The following NT5DC1 variants were observed in gnomAD, a reference collection of about 807,000 sequenced individuals.
The protein encoded by NT5DC1 is 5'-nucleotidase domain containing 1, also known as 5'-nucleotidase domain-containing protein 1.
NT5DC1 carries 42 observed loss-of-function variants against 59.4 expected under a neutral mutation model. That is an observed-to-expected ratio of 0.71 (90% confidence interval 0.55 to 0.92). The LOEUF (loss-of-function observed/expected upper bound fraction) is 0.92, where lower values mean the gene tolerates loss of function less well. Among genes scored for constraint, NT5DC1 ranks in the 40% least tolerant of loss-of-function variants. The pLI is 0.00. For missense variants in NT5DC1, 501 were observed against 537.1 expected (o/e 0.93, Z 0.66); for synonymous variants, 172 against 188.1 (o/e 0.91, Z 0.70).
intron 8 of NT5DC1, among the ~76,000 whole-genome samples, chr6:116,231,800 ATT>A (rs1430556655): frequency 6.6e-6 from 1 of 152,252 alleles, no homozygotes; most frequent in Non-Finnish European, 1.5e-5. Flanking sequence ...AAATGCACAT[ATT>A]TTAAAAGGAG....
chr6:116,135,863 A>ATGTATG (rs1562132679), intron 6 of NT5DC1, among the ~76,000 whole-genome samples: 2 of 124,912 alleles, frequency 1.6e-5, no homozygotes, highest in African/African-American at 6.3e-5. Flanking sequence ...ATATATATAT[A>ATGTATG]TATATATATA....
intron 9 of NT5DC1, chr6:116,237,377 A>G: frequency 1.9e-6 from 1 of 533,060 alleles, no homozygotes; most frequent in Non-Finnish European, 3.6e-6. Context: ...TAGCTTAAAG[A>G]TACACTTGTT....
chr6:116,194,045 T>TCAA (rs888174484), intron 6 of NT5DC1, among the ~76,000 whole-genome samples: 1 of 151,816 alleles, frequency 6.6e-6, no homozygotes, highest in South Asian at 2.1e-4. Context: ...AAACCCTGTC[T>TCAA]CAACAACAAC....
chr6:116,153,365 A>C (rs991729091), intron 6 of NT5DC1, among the ~76,000 whole-genome samples: 1 of 152,130 alleles, frequency 6.6e-6, no homozygotes, highest in Non-Finnish European at 1.5e-5. Context: ...CTTGAGGGTG[A>C]ATTTAGCTCG....
At chr6:116,240,789 G>A (rs1271986988) in intron 11 of NT5DC1, among the ~76,000 whole-genome samples, 1 of 152,148 alleles carries the variant, frequency 6.6e-6, no homozygotes, top group Non-Finnish European at 1.5e-5. Context: ...TTAAATTGCT[G>A]AAAGAAAATG....
At position 116,238,283 on chromosome 6, in the gene NT5DC1, G is replaced by T; in HGVS notation, c.1018G>T (p.Asp340Tyr). 6.2e-7 allele frequency: 1 copy of T among 1,613,396 alleles called. No homozygotes were observed. Among genetic ancestry groups the T allele is most frequent in the Non-Finnish European group, 8.5e-7 (1 of 1,179,602 alleles). The change falls in exon 10 of 12, where the codon GAT becomes TAT. Residue 340 changes from aspartate to tyrosine, a missense_variant. Transcript: ENST00000319550. ...CCTCATCCTGGAAGAACTCAGAGGG[G>T]ATGAAGGCACGAGGAGTCAGAGGCC... Reference protein sequence around the residue: ...TVLILEELRGDEGTRSQRPEE... With the variant: ...TVLILEELRGYEGTRSQRPEE...
At chr6:116,197,996 G>A (rs1781271947) in intron 6 of NT5DC1, among the ~76,000 whole-genome samples, 1 of 151,982 alleles carries the variant, frequency 6.6e-6, no homozygotes, top group Non-Finnish European at 1.5e-5. Context: ...ATGGCCCCAG[G>A]GCACCTAGCT....
intron 6 of NT5DC1, among the ~76,000 whole-genome samples, chr6:116,173,703 C>T (rs1562150401): frequency 6.6e-6 from 1 of 151,966 alleles, no homozygotes; most frequent in South Asian, 2.1e-4. Context: ...GTCTTATACA[C>T]TTTGTTTTGG....
chr6:116,131,662 C>G (rs765783156), intron 6 of NT5DC1, among the ~76,000 whole-genome samples: 11 of 152,036 alleles, frequency 7.2e-5, no homozygotes, highest in Non-Finnish European at 1.0e-4. Context: ...CTGTCTTTTG[C>G]CAATACAAAT....
At chr6:116,239,792 A>G (rs938050798) in intron 11 of NT5DC1, among the ~76,000 whole-genome samples, 9 of 152,226 alleles carry the variant, frequency 5.9e-5, no homozygotes, top group African/African-American at 2.2e-4. Flanking sequence ...AACAATTCAT[A>G]TAAAATTCAG....
chr6:116,223,160 C>A, intron 8 of NT5DC1, 29 bp downstream of exon 8: 1 of 1,235,382 alleles, frequency 8.1e-7, no homozygotes, highest in Non-Finnish European at 1.2e-6. Flanking sequence ...CTTTCTTTTC[C>A]TGTATACAGT....
rs1771880306 is a variant in NT5DC1, at chr6:116,247,913, G to A, written c.*3889G>A. On this transcript the variant is annotated 3_prime_UTR_variant, in exon 12 of 12. Transcript: ENST00000319550. ...GTCTTTTTGGTACATTAAATATTCA[G>A]TGCCTTTGATGAAGGGAACAAACTG... 2 of 152,144 alleles carry A rather than the reference G, an allele frequency of 1.3e-5. No homozygotes were observed. Among genetic ancestry groups the A allele is most frequent in the South Asian group, 4.1e-4 (2 of 4,834 alleles). 9.4% of individuals were successfully genotyped at this position (152,144 alleles called of 1,614,324 possible).
intron 6 of NT5DC1, among the ~76,000 whole-genome samples, chr6:116,201,898 A>G (rs1055133125): frequency 6.6e-6 from 1 of 152,036 alleles, no homozygotes; most frequent in Non-Finnish European, 1.5e-5. Flanking sequence ...TTTGGATCCA[A>G]ATGCCACACT....
At chr6:116,192,314 T>C (rs1582865167) in intron 6 of NT5DC1, among the ~76,000 whole-genome samples, 1 of 151,032 alleles carries the variant, frequency 6.6e-6, no homozygotes, top group Non-Finnish European at 1.5e-5. Flanking sequence ...TCAATAAATA[T>C]CAGCAGATAA....
rs779339623 is a variant in NT5DC1 at position 116,121,816 on chromosome 6, C to T, written c.529+3871C>T. On this transcript the variant is annotated intron_variant, in intron 6 of 11. Transcript: ENST00000319550. Reference sequence around the variant, plus strand: ...CTGGTTTCCCTACAGCTGATGGTCCCGGTGGTCCTGGCAACCCTGGCTCTC... The same window carrying T: ...CTGGTTTCCCTACAGCTGATGGTCCTGGTGGTCCTGGCAACCCTGGCTCTC... 9.9e-5 allele frequency: 160 copies of T among 1,613,824 alleles called. 3 individuals are homozygous for T. The South Asian group carries it at 1.5e-3, about 15-fold the overall frequency.
At position 116,135,834 on chromosome 6, in the gene NT5DC1, GATATATATATATATATATATATATATAT is replaced by G. The variant is rs199827970; in HGVS notation, c.529+17901_529+17928del. Reference sequence around the variant, plus strand: ...ATTTATGGTATACAATATATTTTCAGATATATATATATATATATATATATATATATATATATATACACACATACACACA... The same window carrying G: ...ATTTATGGTATACAATATATTTTCAGATATATATATACACACATACACACA... On this transcript the variant is annotated intron_variant, in intron 6 of 11. Coordinates refer to ENST00000319550, the MANE Select transcript of NT5DC1 (RefSeq NM_152729.3). Among the ~76,000 whole-genome samples, 2,435 of 102,364 alleles carry G rather than the reference GATATATATATATATATATATATATATAT, an allele frequency of 0.024. 207 individuals carry two copies. In the East Asian group the frequency reaches 0.24, roughly 10 times the overall value. The allele number at this position is 102,364 out of a possible 152,430, so 67.2% of individuals were successfully genotyped here.
chr6:116,130,850 A>G (rs1779440823), intron 6 of NT5DC1, among the ~76,000 whole-genome samples: 1 of 152,130 alleles, frequency 6.6e-6, no homozygotes, highest in South Asian at 2.1e-4. Context: ...TCTCAAAATA[A>G]AAATACCAAT....
rs2114571785 is a variant in NT5DC1, at chr6:116,247,165, T to G, written c.*3141T>G. ...ATTGAATCTAGACTAGGGCAAATTC[T>G]CAGCCCAAAACCACACTTCAATTTA... On this transcript the variant is annotated 3_prime_UTR_variant, in exon 12 of 12. Coordinates refer to ENST00000319550, the MANE Select transcript of NT5DC1 (RefSeq NM_152729.3). The G allele has an allele frequency of 6.6e-6, 1 of 152,282 alleles. No individual in the cohort carries two copies. The highest frequency in any genetic ancestry group is 1.9e-4 in the East Asian group (1 of 5,182). The allele number at this position is 152,282 out of a possible 1,614,324, so 9.4% of individuals were successfully genotyped here.
rs367859297 is a variant in NT5DC1 at position 116,243,697 on chromosome 6, CTT to C, written c.1253-210_1253-209del. ...TTTTATAGCTGTTGTAAAAGTTTGT[CTT>C]TATTAGCCATATGTATTACAATGGT... On this transcript the variant is annotated intron_variant, in intron 11 of 11. Transcript: ENST00000319550. 2.2e-3 allele frequency among the ~76,000 whole-genome samples: 330 copies of C among 152,170 alleles called. 1 individual carries two copies. The highest frequency in any genetic ancestry group is 7.4e-3 in the African/African-American group (308 of 41,512).
Sources: gnomAD v4.1 joint callset for allele counts (sites outside exome capture counted in the v4.1 genomes callset) on GRCh38, gnomAD v4.1.1 for gene constraint, MANE v1.5 for transcripts, NCBI Gene and HGNC (gene_info 2026-07-23, HGNC 2026-07-21) for gene names.